The following CHD5 variants were observed in gnomAD, a reference collection of about 807,000 sequenced individuals.
CHD5 encodes chromodomain helicase DNA binding protein 5.
CHD5 carries 69 observed loss-of-function variants against 230.3 expected under a neutral mutation model. That is an observed-to-expected ratio of 0.30 (90% CI 0.25 to 0.37). The LOEUF (loss-of-function observed/expected upper bound fraction) is 0.37. Ranked by LOEUF, CHD5 falls within the 10% of genes least tolerant of loss-of-function variation. The probability of loss-of-function intolerance (pLI) is 1.00; values close to 1 mark genes in which losing one functional copy is unlikely to be tolerated. For missense variants in CHD5, 1,827 were observed against 2,622.8 expected, an observed-to-expected ratio of 0.70 and a Z score of 6.63; for synonymous variants, 1,064 against 1,065.9, an observed-to-expected ratio of 1.00 and a Z score of 0.03.
chr1:6,154,914 C>A lies in CHD5; in HGVS notation c.507-16G>T. The A allele has an allele frequency of 2.5e-6, 4 of 1,609,338 alleles. 1 individual carries two copies. The Admixed American group carries it at 6.7e-5, about 27-fold the overall frequency. On this transcript the variant is annotated splice_polypyrimidine_tract_variant and intron_variant, in intron 4 of 41. Transcript: ENST00000262450. The surrounding 1 kb of genome is among the most constrained non-coding windows in gnomAD (Gnocchi z 7.0). Reference sequence around the variant, plus strand: ...AATGAGTGGCCTGTAGGGGGAGAGGCAGGAGGGTGAGGGCAAGGCCAGGTG... The same window carrying A: ...AATGAGTGGCCTGTAGGGGGAGAGGAAGGAGGGTGAGGGCAAGGCCAGGTG...
chr1:6,121,111 G>C lies in CHD5; in HGVS notation c.4906C>G (p.Pro1636Ala), dbSNP rs1370951963. Residue 1636 changes from proline to alanine, a missense_variant, in exon 33 of 42, where the codon CCG becomes GCG. By Grantham distance (27) the Pro-to-Ala change is conservative. This residue lies in a region of CHD5 where 272 missense variants were observed against 263.2 expected (regional missense o/e 1.03). Transcript: ENST00000262450. The surrounding 1 kb of genome is among the most constrained non-coding windows in gnomAD (Gnocchi z 4.5). ...GCCTGCAAGAAGCCCCAACCTCTCG[G>C]CAGCTGCTCCGGGGAGGGCGGGGCC... Reference protein sequence around the residue: ...EKAPPSPEQLPREEVLPEKEK... With the variant: ...EKAPPSPEQLAREEVLPEKEK... The C allele has an allele frequency of 6.3e-7, 1 of 1,597,750 alleles. No homozygotes were observed. The highest frequency in any genetic ancestry group is 2.2e-5 in the East Asian group (1 of 44,762).
Position 6,121,072 on chromosome 1 carries a change from C to T in CHD5, c.4912+33G>A, listed in dbSNP as rs1374876176. ...CCAGGCCTGCTGAGGCCAGACATGG[C>T]ACTGGGGTGGGTGGCCTGCAAGAAG... On this transcript the variant is annotated intron_variant, in intron 33 of 41. Transcript: ENST00000262450. This position sits in a 1 kb window ranked among gnomAD's most constrained non-coding sequence, Gnocchi z 4.5. The T allele has an allele frequency of 1.3e-6, 2 of 1,556,514 alleles. No individual in the cohort carries two copies. Among genetic ancestry groups the T allele is most frequent in the Non-Finnish European group, 1.7e-6 (2 of 1,154,886 alleles).
chr1:6,146,646 C>T lies in CHD5; in HGVS notation c.1590+19G>A. 2 of 1,613,088 alleles carry T rather than the reference C, an allele frequency of 1.2e-6. No individual in the cohort carries two copies. Among genetic ancestry groups the T allele is most frequent in the Non-Finnish European group, 1.7e-6 (2 of 1,179,370 alleles). ...ACCAGGTCCCGGGCCTTAGCACAGC[C>T]ACCCTCCCGGGCACTCACCTGTAGC... On this transcript the variant is annotated intron_variant, in intron 10 of 41. Transcript: ENST00000262450. This position sits in a 1 kb window ranked among gnomAD's most constrained non-coding sequence, Gnocchi z 5.1.
At position 6,130,955 on chromosome 1, in the gene CHD5, T is replaced by C. The variant is rs1275734021; in HGVS notation, c.3263-627A>G. On this transcript the variant is annotated intron_variant, in intron 21 of 41. Transcript: ENST00000262450. The surrounding 1 kb of genome is among the most constrained non-coding windows in gnomAD (Gnocchi z 4.9). The stretch of plus-strand genomic sequence containing the variant: ...GACCCTGAAACTCTGAACTTGCTAT[T>C]CCTCCTGGCTCTCTGGCACAAGTGT... Among the ~76,000 whole-genome samples the C allele has an allele frequency of 3.9e-5, 6 of 152,244 alleles. No individual in the cohort carries two copies. The highest frequency in any genetic ancestry group is 8.8e-5 in the Non-Finnish European group (6 of 68,044).
chr1:6,124,413 T>A, intron 30 of CHD5, 104 bp downstream of exon 30: 1 of 1,328,564 alleles, frequency 7.5e-7, no homozygotes, highest in Non-Finnish European at 1.1e-6. Context: ...GGCAGCTGTG[T>A]GGCCTGAACC....
Position 6,142,157 on chromosome 1 carries a change from G to T in CHD5, c.2407C>A (p.Arg803=). ...ATACGGAATACCTTCTTCCCACTCCGAATGGCGTTGTCCTCAAAGGAAAAC... is the reference window on the plus strand; with the variant it reads ...ATACGGAATACCTTCTTCCCACTCCTAATGGCGTTGTCCTCAAAGGAAAAC... ...NEFSFEDNAI[R]SGKKVFRMKK... The change falls in exon 15 of 42, where the codon CGG becomes AGG. Residue 803 remains arginine, a synonymous_variant. Coordinates refer to ENST00000262450, the MANE Select transcript of CHD5 (RefSeq NM_015557.3). This position sits in a 1 kb window ranked among gnomAD's most constrained non-coding sequence, Gnocchi z 5.2. 2 of 1,613,992 alleles carry T rather than the reference G, an allele frequency of 1.2e-6. No individual in the cohort carries two copies. The highest frequency in any genetic ancestry group is 1.7e-6 in the Non-Finnish European group (2 of 1,179,920).
intron 15 of CHD5, among the ~76,000 whole-genome samples, chr1:6,140,650 T>TC (rs1208888188): frequency 1.3e-5 from 2 of 151,952 alleles, no homozygotes; most frequent in East Asian, 3.9e-4. Context: ...TTGAATAGTG[T>TC]CCCCCCAACA....
intron 33 of CHD5, among the ~76,000 whole-genome samples, chr1:6,113,810 T>C (rs1666331735): frequency 6.6e-6 from 1 of 152,136 alleles, no homozygotes; most frequent in Non-Finnish European, 1.5e-5. Flanking sequence ...GTGTGGGATA[T>C]GAACTGGACC....
rs775915770 is a variant in CHD5 at position 6,154,614 on chromosome 1, G to C, written c.745+46C>G. 6.6e-7 allele frequency: 1 copy of C among 1,505,616 alleles called. No homozygotes were observed. The highest frequency in any genetic ancestry group is 8.9e-7 in the Non-Finnish European group (1 of 1,122,838). 93.3% of individuals were successfully genotyped at this position (1,505,616 alleles called of 1,614,324 possible). A position where few individuals can be genotyped will look rare whatever the true frequency, so the allele number is the denominator to read the frequency against. Reference sequence around the variant, plus strand: ...GGCTTCTCCTATAGGGTCTGAAAGGGACCTCTTCCCAGCGGGACTAGGTGC... The same window carrying C: ...GGCTTCTCCTATAGGGTCTGAAAGGCACCTCTTCCCAGCGGGACTAGGTGC... On this transcript the variant is annotated intron_variant, in intron 5 of 41. Coordinates refer to ENST00000262450, the MANE Select transcript of CHD5 (RefSeq NM_015557.3). The surrounding 1 kb of genome is among the most constrained non-coding windows in gnomAD (Gnocchi z 7.0).
rs182781679 is a variant in CHD5 at position 6,145,997 on chromosome 1, C to T, written c.1802+215G>A. ...GAACACGTATGCATGAGTGTGCCGG[C>T]ATGCATGGGACGGCCCCTCTAGCAG... On this transcript the variant is annotated intron_variant, in intron 11 of 41. Transcript: ENST00000262450. Among the ~76,000 whole-genome samples the T allele has an allele frequency of 1.1e-4, 16 of 152,304 alleles. No homozygotes were observed. In the East Asian group the frequency reaches 3.1e-3, roughly 29 times the overall value.
intron 1 of CHD5, among the ~76,000 whole-genome samples, chr1:6,171,513 C>G (rs1571174424): frequency 6.6e-6 from 1 of 152,092 alleles, no homozygotes. Context: ...CACTGCCCCC[C>G]CCAACACCTC....
chr1:6,128,445 G>A lies in CHD5; in HGVS notation c.3730+54C>T. 1.4e-6 allele frequency: 2 copies of A among 1,452,254 alleles called. No individual in the cohort carries two copies. The highest frequency in any genetic ancestry group is 2.3e-5 in the South Asian group (2 of 86,328). The allele number at this position is 1,452,254 out of a possible 1,614,324, so 90.0% of individuals were successfully genotyped here. A position where few individuals can be genotyped will look rare whatever the true frequency, so the allele number is the denominator to read the frequency against. ...CAGGTCAGGGAACCCCTCCTCTGCA[G>A]GAGCAGCCACCTGGTCGGAGGAGGA... On this transcript the variant is annotated intron_variant, in intron 24 of 41. Transcript: ENST00000262450. This position sits in a 1 kb window ranked among gnomAD's most constrained non-coding sequence, Gnocchi z 7.8.
chr1:6,108,539 G>A (rs1666234259), intron 38 of CHD5, among the ~76,000 whole-genome samples: 1 of 148,996 alleles, frequency 6.7e-6, no homozygotes, highest in African/African-American at 2.5e-5. Context: ...ACGGAGAGAT[G>A]GAAGGATGAA....
intron 2 of CHD5, among the ~76,000 whole-genome samples, chr1:6,160,923 T>C (rs1396813645): frequency 1.3e-5 from 2 of 152,144 alleles, no homozygotes; most frequent in South Asian, 2.1e-4. Context: ...GGCGAAGCCC[T>C]CCACAGCCCC....
chr1:6,112,875 G>GAA, intron 34 of CHD5, 34 bp downstream of exon 34: 3 of 1,522,112 alleles, frequency 2.0e-6, no homozygotes, highest in Non-Finnish European at 2.7e-6. Flanking sequence ...AGGGACCATG[G>GAA]GGCACAGGTA....
chr1:6,174,703 A>T (rs1195456354), intron 1 of CHD5, among the ~76,000 whole-genome samples: 2 of 149,752 alleles, frequency 1.3e-5, no homozygotes, highest in Non-Finnish European at 3.0e-5. Flanking sequence ...GGGTGGATGG[A>T]TGAATGGATG....
At chr1:6,113,410 C>A in intron 33 of CHD5, 2 of 354,580 alleles carry the variant, frequency 5.6e-6, no homozygotes, top group South Asian at 2.1e-5. Flanking sequence ...AGTGACAGAG[C>A]AAGACGCTGT....
chr1:6,114,625 T>C (rs909414795), intron 33 of CHD5, among the ~76,000 whole-genome samples: 40 of 151,880 alleles, frequency 2.6e-4, no homozygotes, highest in African/African-American at 9.4e-4. Flanking sequence ...CTGGGCCACA[T>C]TTGTCCCACG....
intron 6 of CHD5, 65 bp downstream of exon 6, chr1:6,152,347 C>A (rs141479959): frequency 5.1e-6 from 8 of 1,553,448 alleles, no homozygotes; most frequent in East Asian, 4.8e-5. Context: ...CTGGCCCTTG[C>A]GTGCTCATGT....
Sources: gnomAD v4.1 joint callset for allele counts (sites outside exome capture counted in the v4.1 genomes callset) on GRCh38, gnomAD v4.1.1 for gene constraint, gnomAD v4.1.1 regional missense constraint, Gnocchi (gnomAD v3.1) non-coding constraint, MANE v1.5 for transcripts, NCBI Gene and HGNC (gene_info 2026-07-23, HGNC 2026-07-21) for gene names.